ATE1: variants seen among roughly 807,000 people sequenced by gnomAD.
ATE1 encodes the protein arginyl-tRNA--protein transferase 1.
ATE1 carries 36 observed loss-of-function variants against 70.5 expected under a neutral mutation model. The observed-to-expected ratio is 0.51, with a 90% CI of 0.39 to 0.67. The LOEUF (loss-of-function observed/expected upper bound fraction) is 0.67. Among genes scored for constraint, ATE1 ranks in the 30% least tolerant of loss-of-function variants. ATE1 has a pLI of 0.00. For missense variants in ATE1, 593 were observed against 629.5 expected, an observed-to-expected ratio of 0.94 and a Z score of 0.62; for synonymous variants, 232 against 219.3, an observed-to-expected ratio of 1.06 and a Z score of -0.51.
chr10:121,771,359 G>A (rs1909006), intron 11 of ATE1, among the ~76,000 whole-genome samples: 123,665 of 152,112 alleles, frequency 0.81, 50,686 homozygotes, highest in Non-Finnish European at 0.88. Flanking sequence ...GTGAGCCACC[G>A]TGCCCGGCCT....
At chr10:121,862,450 G>A (rs577184709) in intron 8 of ATE1, among the ~76,000 whole-genome samples, 8 of 152,026 alleles carry the variant, frequency 5.3e-5, no homozygotes, top group African/African-American at 1.9e-4. Flanking sequence ...TTGAACTCCT[G>A]GGCTCAGGTG....
chr10:121,745,521 T>C lies in ATE1; in HGVS notation c.1379-1663A>G, dbSNP rs141574553. Among the ~76,000 whole-genome samples the C allele has an allele frequency of 6.7e-3, 1,022 of 152,006 alleles. 20 individuals are homozygous for C. In the South Asian group the frequency reaches 0.068, roughly 10 times the overall value. ...CACGAGGTCAGGAGATCGACACCAT[T>C]CTGGCTAACACGGTGAAACCCCGTC... On this transcript the variant is annotated intron_variant, in intron 11 of 11. Coordinates refer to ENST00000224652, the MANE Select transcript of ATE1 (RefSeq NM_001001976.3).
At chr10:121,809,557 G>A (rs1327973618) in intron 10 of ATE1, among the ~76,000 whole-genome samples, 3 of 152,058 alleles carry the variant, frequency 2.0e-5, no homozygotes, top group Admixed American at 1.3e-4. Context: ...CGAGTGCACC[G>A]CAGCTACTGG....
chr10:121,920,059 A>T (rs1951818527), intron 3 of ATE1, among the ~76,000 whole-genome samples: 1 of 152,302 alleles, frequency 6.6e-6, no homozygotes, highest in Middle Eastern at 3.4e-3. Flanking sequence ...AATGGACAAA[A>T]AACTGTTTAA....
Position 121,842,761 on chromosome 10 carries a change from A to C in ATE1, c.976-1498T>G, listed in dbSNP as rs552720442. On this transcript the variant is annotated intron_variant, in intron 8 of 11. Coordinates refer to ENST00000224652, the MANE Select transcript of ATE1 (RefSeq NM_001001976.3). The stretch of plus-strand genomic sequence containing the variant: ...TCAAAAGAAGAAGTATCATATGATC[A>C]TATCAATTGATGCAGGAAACATTAC... 5.3e-5 allele frequency among the ~76,000 whole-genome samples: 8 copies of C among 152,334 alleles called. No homozygotes were observed. In the South Asian group the frequency reaches 1.7e-3, roughly 32 times the overall value.
chr10:121,918,324 T>C (rs1951740828), intron 3 of ATE1, among the ~76,000 whole-genome samples: 1 of 149,620 alleles, frequency 6.7e-6, no homozygotes, highest in Admixed American at 6.6e-5. Context: ...CTAAACAAGA[T>C]TCTGTCTCAA....
intron 10 of ATE1, 99 bp from the exon 11 acceptor site, chr10:121,790,388 A>C (rs1946386097): frequency 4.2e-6 from 6 of 1,438,940 alleles, no homozygotes; most frequent in Non-Finnish European, 5.6e-6. Context: ...GCAAAAACTT[A>C]AAAGTCAACC....
intron 8 of ATE1, among the ~76,000 whole-genome samples, chr10:121,859,216 C>T (rs1166032477): frequency 2.0e-5 from 3 of 152,068 alleles, no homozygotes; most frequent in Admixed American, 2.0e-4. Flanking sequence ...GAGCTATCTC[C>T]CATTTCTCCC....
intron 8 of ATE1, among the ~76,000 whole-genome samples, chr10:121,867,573 C>T (rs921422517): frequency 2.0e-5 from 3 of 152,140 alleles, no homozygotes; most frequent in South Asian, 2.1e-4. Flanking sequence ...CTGTCAAACA[C>T]TGATTATAAG....
At chr10:121,876,857 T>A (rs972262413) in intron 7 of ATE1, among the ~76,000 whole-genome samples, 2 of 151,468 alleles carry the variant, frequency 1.3e-5, no homozygotes, top group Non-Finnish European at 1.5e-5. Flanking sequence ...TCCCAGCTAC[T>A]CGGGAGGCTG....
intron 10 of ATE1, among the ~76,000 whole-genome samples, chr10:121,824,623 CT>C (rs2133622972): frequency 1.3e-5 from 2 of 152,230 alleles, no homozygotes; most frequent in African/African-American, 4.8e-5. Flanking sequence ...TTTCAGAACT[CT>C]TTCTGATGTT....
intron 7 of ATE1, among the ~76,000 whole-genome samples, chr10:121,872,028 A>G (rs1319969592): frequency 1.3e-5 from 2 of 152,214 alleles, no homozygotes; most frequent in African/African-American, 4.8e-5. Context: ...TTAACAGTGG[A>G]GAAAAATGAG....
At chr10:121,842,105 G>A (rs1393575419) in intron 8 of ATE1, among the ~76,000 whole-genome samples, 4 of 152,108 alleles carry the variant, frequency 2.6e-5, no homozygotes, top group Admixed American at 6.6e-5. Context: ...GAGAGTTCTT[G>A]TGTAAGTACA....
intron 8 of ATE1, among the ~76,000 whole-genome samples, chr10:121,858,533 AC>A (rs2133931313): frequency 6.6e-6 from 1 of 150,986 alleles, no homozygotes; most frequent in East Asian, 1.9e-4. Context: ...TAAATCAACA[AC>A]TTAAATCATC....
chr10:121,864,904 T>C (rs918096746), intron 8 of ATE1, among the ~76,000 whole-genome samples: 1 of 152,148 alleles, frequency 6.6e-6, no homozygotes, highest in African/African-American at 2.4e-5. Context: ...CTTCCCATAA[T>C]GTGCAGGACA....
intron 8 of ATE1, among the ~76,000 whole-genome samples, chr10:121,865,151 T>C (rs1463969078): frequency 6.6e-6 from 1 of 152,214 alleles, no homozygotes; most frequent in African/African-American, 2.4e-5. Flanking sequence ...CCTCTCTGGG[T>C]TCAATTTTCT....
intron 7 of ATE1, among the ~76,000 whole-genome samples, chr10:121,890,132 A>G (rs147996890): frequency 1.3e-5 from 2 of 152,306 alleles, no homozygotes; most frequent in African/African-American, 4.8e-5. Context: ...TTCAAAGTAG[A>G]AAGTTAAGGA....
intron 7 of ATE1, among the ~76,000 whole-genome samples, chr10:121,876,748 C>T (rs775425540): frequency 1.4e-4 from 21 of 152,090 alleles, no homozygotes; most frequent in Non-Finnish European, 2.8e-4. Context: ...GGGCGGATCA[C>T]GATGTCAGCA....
chr10:121,926,744 A>G (rs1952108838), intron 1 of ATE1: 7 of 985,296 alleles, frequency 7.1e-6, no homozygotes, highest in Non-Finnish European at 8.4e-6. Context: ...CACTGTCACG[A>G]TTTGGTGTAC....
Sources: allele counts gnomAD v4.1 joint callset (sites outside exome capture counted in the v4.1 genomes callset), GRCh38; gene constraint gnomAD v4.1.1; transcripts MANE v1.5; gene names NCBI Gene and HGNC (gene_info 2026-07-23, HGNC 2026-07-21).